The following NTRK2 variants were observed in gnomAD, a reference collection of about 807,000 sequenced individuals.
NTRK2 encodes the protein neurotrophic receptor tyrosine kinase 2, also known as BDNF/NT-3 growth factors receptor.
Under a neutral mutation model 94.5 loss-of-function variants are expected in NTRK2, and 13 were observed. That is an observed-to-expected ratio of 0.14 (90% CI 0.09 to 0.22). The LOEUF (loss-of-function observed/expected upper bound fraction) is 0.22. Among genes scored for constraint, NTRK2 ranks in the 10% least tolerant of loss-of-function variants. The probability of loss-of-function intolerance (pLI) is 1.00; values close to 1 mark genes in which losing one functional copy is unlikely to be tolerated. For missense variants in NTRK2, 639 were observed against 1,071.2 expected (o/e 0.60, Z 5.63); for synonymous variants, 372 against 407.4 (o/e 0.91, Z 1.05).
chr9:84,881,053 A>C (rs959021695), intron 14 of NTRK2, among the ~76,000 whole-genome samples: 5 of 152,206 alleles, frequency 3.3e-5, no homozygotes, highest in Admixed American at 1.3e-4. Flanking sequence ...GCAGCCAGAG[A>C]GTGGTTTGGA....
chr9:84,751,705 C>T (rs2064631898), intron 11 of NTRK2, among the ~76,000 whole-genome samples: 1 of 152,126 alleles, frequency 6.6e-6, no homozygotes, highest in Admixed American at 6.6e-5. Context: ...GGAGAGAGAG[C>T]TGTAATATTT....
In NTRK2 at chr9:84,934,211, C is replaced by T. The variant is rs78346623; in HGVS notation, c.1683C>T (p.Gly561=). Residue 561 remains glycine, a synonymous_variant, in exon 15 of 19, where the codon GGC becomes GGT. Transcript: ENST00000277120. ...ACATTGTTCTGAAAAGGGAGCTAGG[C>T]GAAGGAGCCTTTGGAAAAGTGTTCC... is the stretch of plus-strand genomic sequence containing the variant. ...RHNIVLKREL[G]EGAFGKVFLA... is the part of the protein sequence containing the mutation. 4.2e-5 allele frequency: 68 copies of T among 1,613,912 alleles called. No individual in the cohort carries two copies. The highest frequency in any genetic ancestry group is 4.9e-5 in the Non-Finnish European group (58 of 1,179,880).
chr9:84,998,908 T>A (rs1330743667), intron 17 of NTRK2, among the ~76,000 whole-genome samples: 2 of 152,230 alleles, frequency 1.3e-5, no homozygotes, highest in Non-Finnish European at 2.9e-5. Context: ...TTGTCCCAAA[T>A]GGACTCTTCT....
chr9:84,854,079 A>C (rs1384867869), intron 12 of NTRK2, among the ~76,000 whole-genome samples: 1 of 151,906 alleles, frequency 6.6e-6, no homozygotes, highest in East Asian at 1.9e-4. Flanking sequence ...CTCAAAAAAA[A>C]AAAAAGAAAA....
chr9:84,682,773 C>T (rs2059470892), intron 2 of NTRK2, among the ~76,000 whole-genome samples: 3 of 152,152 alleles, frequency 2.0e-5, no homozygotes, highest in Admixed American at 2.0e-4. Context: ...TGAGGGCATG[C>T]TATACCCCCT....
At chr9:84,764,805 A>T (rs998524516) in intron 12 of NTRK2, among the ~76,000 whole-genome samples, 2 of 152,178 alleles carry the variant, frequency 1.3e-5, no homozygotes, top group African/African-American at 4.8e-5. Flanking sequence ...ATTTGAAAGC[A>T]ACTTGTGTCC....
At chr9:84,804,190 C>A (rs1457720575) in intron 12 of NTRK2, among the ~76,000 whole-genome samples, 10 of 152,080 alleles carry the variant, frequency 6.6e-5, no homozygotes, top group Admixed American at 6.6e-4. Context: ...GTTTTGGAGG[C>A]TTATTATCTC....
At chr9:84,841,237 A>G (rs376513073) in intron 12 of NTRK2, among the ~76,000 whole-genome samples, 1 of 152,138 alleles carries the variant, frequency 6.6e-6, no homozygotes, top group Admixed American at 6.6e-5. Flanking sequence ...CTCCACTTGG[A>G]TGCCAGGTGA....
intron 14 of NTRK2, among the ~76,000 whole-genome samples, chr9:84,899,450 C>T (rs555465917): frequency 6.6e-6 from 1 of 152,290 alleles, no homozygotes; most frequent in African/African-American, 2.4e-5. Flanking sequence ...TAATCCTTAT[C>T]CTTTACTTTT....
intron 17 of NTRK2, among the ~76,000 whole-genome samples, chr9:84,974,719 C>G (rs1358550469): frequency 6.6e-6 from 1 of 152,164 alleles, no homozygotes; most frequent in Non-Finnish European, 1.5e-5. Context: ...TGGAGAACCT[C>G]TTGGTTTCCA....
At chr9:84,849,054 A>G (rs2074618975) in intron 12 of NTRK2, among the ~76,000 whole-genome samples, 1 of 152,216 alleles carries the variant, frequency 6.6e-6, no homozygotes. Flanking sequence ...GTCTTTTTAT[A>G]AGATAAAAGG....
intron 14 of NTRK2, among the ~76,000 whole-genome samples, chr9:84,886,630 G>A (rs908315400): frequency 2.0e-5 from 3 of 152,212 alleles, no homozygotes; most frequent in African/African-American, 7.2e-5. Flanking sequence ...ACTGGAGTCT[G>A]TTCACCTAAT....
chr9:84,995,436 A>T (rs76869488), intron 17 of NTRK2, among the ~76,000 whole-genome samples: 1 of 152,126 alleles, frequency 6.6e-6, no homozygotes, highest in Non-Finnish European at 1.5e-5. Flanking sequence ...ACTTTGCCCA[A>T]TGAGACCCTA....
intron 17 of NTRK2, among the ~76,000 whole-genome samples, chr9:85,001,155 CT>C (rs1830295999): frequency 1.3e-5 from 2 of 152,298 alleles, no homozygotes. Context: ...GAATTCTCCC[CT>C]CTCCCTCTTC....
At chr9:84,761,794 T>C (rs2065591889) in intron 12 of NTRK2, among the ~76,000 whole-genome samples, 1 of 152,230 alleles carries the variant, frequency 6.6e-6, no homozygotes, top group Admixed American at 6.5e-5. Flanking sequence ...AGGTATTTTC[T>C]ATTTAGTTGG....
intron 12 of NTRK2, chr9:84,811,528 G>A (rs1023719815): frequency 1.9e-6 from 2 of 1,065,300 alleles, no homozygotes; most frequent in Non-Finnish European, 2.3e-6. Context: ...ATCTCATGCT[G>A]TTTGCATTAC....
rs556006770 is a variant in NTRK2 at position 84,936,391 on chromosome 9, T to C, written c.1764+2099T>C. ...GGACAACTAACAGTGAAGAGTCAGC[T>C]GGTGACAGTGATGTTTAGCCTAGTA... On this transcript the variant is annotated intron_variant, in intron 15 of 18. Coordinates refer to ENST00000277120, the MANE Select transcript of NTRK2 (RefSeq NM_006180.6). Among the ~76,000 whole-genome samples the C allele has an allele frequency of 1.8e-3, 268 of 152,372 alleles. 1 individual carries two copies. The highest frequency in any genetic ancestry group is 6.2e-3 in the African/African-American group (257 of 41,594).
chr9:84,813,090 G>A (rs2133589487), intron 12 of NTRK2: 8 of 1,039,300 alleles, frequency 7.7e-6, no homozygotes, highest in East Asian at 5.8e-5. Context: ...TGCATGTGTT[G>A]CATTATTGCA....
In NTRK2 at chr9:84,704,165, T is replaced by C. The variant is rs532959619; in HGVS notation, c.359+1746T>C. ...CATTATTGCATGCTATTTCTATGAA[T>C]ATGAAAGCCACTTTGTATATTTTTT... On this transcript the variant is annotated intron_variant, in intron 4 of 18. Transcript: ENST00000277120. 5.3e-5 allele frequency among the ~76,000 whole-genome samples: 8 copies of C among 152,142 alleles called. No homozygotes were observed. The South Asian group carries it at 1.7e-3, about 32-fold the overall frequency.
Sources: allele counts gnomAD v4.1 joint callset (sites outside exome capture counted in the v4.1 genomes callset), GRCh38; gene constraint gnomAD v4.1.1; transcripts MANE v1.5; gene names NCBI Gene and HGNC (gene_info 2026-07-23, HGNC 2026-07-21).